Variants in CAMK1D observed in about 807,000 individuals in gnomAD.
CAMK1D encodes calcium/calmodulin-dependent protein kinase type 1D.
CAMK1D carries 9 observed loss-of-function variants against 47.7 expected under a neutral mutation model. That is an observed-to-expected ratio of 0.19 (90% CI 0.11 to 0.33). The LOEUF is 0.33. Ranked by LOEUF, CAMK1D falls within the 10% of genes least tolerant of loss-of-function variation. The pLI, the probability that CAMK1D is intolerant of heterozygous loss-of-function variation, is 1.00. For missense variants in CAMK1D, 291 were observed against 488.7 expected, an observed-to-expected ratio of 0.60 and a Z score of 3.81; for synonymous variants, 184 against 184.9, an observed-to-expected ratio of 0.99 and a Z score of 0.04.
At chr10:12,553,397 T>C in intron 2 of CAMK1D, 41 bp downstream of exon 2, 1 of 1,513,820 alleles carries the variant, frequency 6.6e-7, no homozygotes. Flanking sequence ...CCCTACCTCC[T>C]GGCCCGTGTG....
chr10:12,429,475 G>T (rs1040324643), intron 1 of CAMK1D, among the ~76,000 whole-genome samples: 2 of 152,086 alleles, frequency 1.3e-5, no homozygotes, highest in African/African-American at 4.8e-5. Flanking sequence ...GAGTAGCTGG[G>T]ATTATAGGTG....
At position 12,647,145 on chromosome 10, in the gene CAMK1D, CTTTTTT is replaced by C. The variant is rs397693477; in HGVS notation, c.225-19574_225-19569del. 3.3e-3 allele frequency among the ~76,000 whole-genome samples: 250 copies of C among 76,824 alleles called. 6 individuals are homozygous for C. The highest frequency in any genetic ancestry group is 0.015 in the South Asian group (23 of 1,552). The allele number at this position is 76,824 out of a possible 152,430, so 50.4% of individuals were successfully genotyped here. ...CGTGAGCCTCCTTGCCCAGGCTAGC[CTTTTTT>C]TTTTTTTTTTTTTTTTGAAATGGAG... is the stretch of plus-strand genomic sequence containing the variant. On this transcript the variant is annotated intron_variant, in intron 2 of 10. Coordinates refer to ENST00000619168, the MANE Select transcript of CAMK1D (RefSeq NM_153498.4).
At chr10:12,477,740 C>T (rs2768426) in intron 1 of CAMK1D, among the ~76,000 whole-genome samples, 118,877 of 151,966 alleles carry the variant, frequency 0.78, 46,657 homozygotes, top group East Asian at 0.97. Context: ...GGGGAAGAAG[C>T]TGAAGGCGGA....
At chr10:12,384,697 C>A (rs150281905) in intron 1 of CAMK1D, among the ~76,000 whole-genome samples, 5 of 152,128 alleles carry the variant, frequency 3.3e-5, no homozygotes, top group African/African-American at 1.2e-4. Flanking sequence ...CAAAATGGAT[C>A]AGTGACCTAA....
intron 2 of CAMK1D, among the ~76,000 whole-genome samples, chr10:12,604,006 C>T (rs900960743): frequency 1.3e-5 from 2 of 152,180 alleles, no homozygotes; most frequent in African/African-American, 2.4e-5. Flanking sequence ...AGCCAGCCAC[C>T]GTGCCAGTGG....
At chr10:12,777,041 G>C (rs74758605) in intron 5 of CAMK1D, among the ~76,000 whole-genome samples, 8,348 of 152,284 alleles carry the variant, frequency 0.055, 658 homozygotes, top group African/African-American at 0.17. Flanking sequence ...TTTGCAGATA[G>C]AGAATCCTTG....
At chr10:12,626,690 G>A (rs1381501769) in intron 2 of CAMK1D, among the ~76,000 whole-genome samples, 1 of 152,074 alleles carries the variant, frequency 6.6e-6, no homozygotes, top group African/African-American at 2.4e-5. Flanking sequence ...GGCCAGGCTG[G>A]CCTCGAAATC....
intron 1 of CAMK1D, among the ~76,000 whole-genome samples, chr10:12,536,595 G>C (rs913772731): frequency 6.6e-6 from 1 of 152,148 alleles, no homozygotes. Context: ...TCAAGCCATT[G>C]CACCTCCTCT....
At chr10:12,518,174 A>T (rs1478604744) in intron 1 of CAMK1D, among the ~76,000 whole-genome samples, 1 of 152,240 alleles carries the variant, frequency 6.6e-6, no homozygotes, top group Non-Finnish European at 1.5e-5. Context: ...AGCATTAGCA[A>T]ACTGAAGCCC....
intron 3 of CAMK1D, among the ~76,000 whole-genome samples, chr10:12,752,257 G>C (rs1053727307): frequency 1.3e-5 from 2 of 152,162 alleles, no homozygotes; most frequent in South Asian, 2.1e-4. Context: ...ACAGCACCCA[G>C]AGTGCTGGGA....
chr10:12,353,233 A>G (rs538766568), intron 1 of CAMK1D, among the ~76,000 whole-genome samples: 4 of 152,298 alleles, frequency 2.6e-5, no homozygotes, highest in Non-Finnish European at 5.9e-5. Context: ...AACCACTGGC[A>G]TTCATTTCCA....
intron 5 of CAMK1D, among the ~76,000 whole-genome samples, chr10:12,785,851 A>G (rs1837702548): frequency 6.6e-6 from 1 of 152,186 alleles, no homozygotes; most frequent in Non-Finnish European, 1.5e-5. Flanking sequence ...GTTGGGGGCT[A>G]TGCTAGAAAG....
chr10:12,599,477 G>C (rs756808075), intron 2 of CAMK1D, among the ~76,000 whole-genome samples: 1 of 152,206 alleles, frequency 6.6e-6, no homozygotes, highest in African/African-American at 2.4e-5. Context: ...GCAGTGCACT[G>C]CCTCAAAGGA....
intron 3 of CAMK1D, among the ~76,000 whole-genome samples, chr10:12,728,311 C>T (rs1271808801): frequency 1.3e-5 from 2 of 152,210 alleles, no homozygotes; most frequent in African/African-American, 4.8e-5. Flanking sequence ...GCAGGGACAG[C>T]CCAGTTTGCA....
chr10:12,748,844 G>C (rs746921431), intron 3 of CAMK1D, among the ~76,000 whole-genome samples: 9 of 152,186 alleles, frequency 5.9e-5, no homozygotes, highest in Non-Finnish European at 1.0e-4. Context: ...GTTCAAGGCT[G>C]CAGTGAGCTT....
chr10:12,369,657 T>C (rs1170552843), intron 1 of CAMK1D, among the ~76,000 whole-genome samples: 1 of 152,162 alleles, frequency 6.6e-6, no homozygotes, highest in Non-Finnish European at 1.5e-5. Context: ...TTTAATAATA[T>C]ATTTAAATAG....
At chr10:12,769,469 A>G (rs1011278297) in intron 4 of CAMK1D, among the ~76,000 whole-genome samples, 1 of 152,166 alleles carries the variant, frequency 6.6e-6, no homozygotes, top group Non-Finnish European at 1.5e-5. Context: ...ACTAACGTTG[A>G]TTGAAAGCCT....
chr10:12,635,138 A>C (rs1839477997), intron 2 of CAMK1D, among the ~76,000 whole-genome samples: 1 of 151,938 alleles, frequency 6.6e-6, no homozygotes, highest in African/African-American at 2.4e-5. Flanking sequence ...AGAGAGGTTG[A>C]TGTGGGGTGT....
chr10:12,369,826 C>T (rs976929122), intron 1 of CAMK1D, among the ~76,000 whole-genome samples: 4 of 151,304 alleles, frequency 2.6e-5, no homozygotes, highest in African/African-American at 4.9e-5. Flanking sequence ...TGTGGTGGCG[C>T]GTGCCTATAA....
Sources: gnomAD v4.1 joint callset for allele counts (sites outside exome capture counted in the v4.1 genomes callset) on GRCh38, gnomAD v4.1.1 for gene constraint, MANE v1.5 for transcripts, NCBI Gene and HGNC (gene_info 2026-07-23, HGNC 2026-07-21) for gene names.